Variants in SAMD4A observed in about 807,000 individuals in gnomAD.
SAMD4A encodes the protein protein Smaug homolog 1.
SAMD4A carries 33 observed loss-of-function variants against 81.3 expected under a neutral mutation model. That is an observed-to-expected ratio of 0.41 (90% CI 0.31 to 0.54). The LOEUF is 0.54. Ranked by LOEUF, SAMD4A falls within the 20% of genes least tolerant of loss-of-function variation. The pLI is 0.37. For synonymous variants in SAMD4A, 389 were observed against 382.1 expected, an observed-to-expected ratio of 1.02 and a Z score of -0.21; for missense variants, 854 against 951.1, an observed-to-expected ratio of 0.90 and a Z score of 1.34.
intron 3 of SAMD4A, chr14:54,703,869 G>GA (rs1018463830): frequency 1.5e-4 from 23 of 148,610 alleles, no homozygotes; most frequent in African/African-American, 2.7e-4. Flanking sequence ...TCTCAGAAGA[G>GA]AAAAAAAAAA....
chr14:54,673,870 G>A (rs2035936211), intron 2 of SAMD4A, among the ~76,000 whole-genome samples: 1 of 152,202 alleles, frequency 6.6e-6, no homozygotes, highest in South Asian at 2.1e-4. Flanking sequence ...TCAGACCTCA[G>A]CTCATGGATC....
intron 2 of SAMD4A, among the ~76,000 whole-genome samples, chr14:54,632,597 G>A (rs1447521713): frequency 6.6e-6 from 1 of 151,992 alleles, no homozygotes; most frequent in African/African-American, 2.4e-5. Flanking sequence ...TCACTTAACA[G>A]CATGTCTTGA....
intron 3 of SAMD4A, among the ~76,000 whole-genome samples, chr14:54,716,597 T>A (rs998681602): frequency 2.0e-5 from 3 of 152,300 alleles, no homozygotes; most frequent in Non-Finnish European, 4.4e-5. Context: ...TAGTTGCTCG[T>A]TAGTCTTCAT....
At chr14:54,676,459 C>G (rs2035996261) in intron 2 of SAMD4A, among the ~76,000 whole-genome samples, 1 of 152,200 alleles carries the variant, frequency 6.6e-6, no homozygotes, top group Non-Finnish European at 1.5e-5. Context: ...TCACTGTAAC[C>G]TCCGCCTCCC....
chr14:54,616,379 A>G (rs1419093896), intron 2 of SAMD4A, among the ~76,000 whole-genome samples: 1 of 152,226 alleles, frequency 6.6e-6, no homozygotes, highest in African/African-American at 2.4e-5. Context: ...TGCAGAAAAG[A>G]TCACATACTA....
intron 2 of SAMD4A, 91 bp downstream of exon 2, chr14:54,568,203 C>T (rs1486755419): frequency 2.1e-5 from 26 of 1,210,190 alleles, no homozygotes; most frequent in East Asian, 3.2e-5. Context: ...CGAGGCCAGT[C>T]CCTGCCAGCC....
Position 54,568,723 on chromosome 14 carries a change from AT to A in SAMD4A, c.196+612del, listed in dbSNP as rs553682119. Among the ~76,000 whole-genome samples, 14 of 129,090 alleles carry A rather than the reference AT, an allele frequency of 1.1e-4. No individual in the cohort carries two copies. The South Asian group carries it at 3.7e-3, about 34-fold the overall frequency. The allele number at this position is 129,090 out of a possible 152,430, so 84.7% of individuals were successfully genotyped here. On this transcript the variant is annotated intron_variant, in intron 2 of 12. Transcript: ENST00000554335. ...TATATATATATATATATATATATAT[AT>A]ATATATATATATATATAATGCGGTT... is the stretch of plus-strand genomic sequence containing the variant.
At chr14:54,750,244 C>T (rs2038069835) in intron 5 of SAMD4A, among the ~76,000 whole-genome samples, 1 of 152,154 alleles carries the variant, frequency 6.6e-6, no homozygotes, top group East Asian at 1.9e-4. Flanking sequence ...CACTAGAACC[C>T]AAAGTTAAGG....
chr14:54,609,280 A>T (rs2140258330), intron 2 of SAMD4A, among the ~76,000 whole-genome samples: 1 of 152,326 alleles, frequency 6.6e-6, no homozygotes, highest in South Asian at 2.1e-4. Context: ...GACTTCAAAG[A>T]TGGAGAAAGG....
chr14:54,634,715 A>G (rs546226033), intron 2 of SAMD4A, among the ~76,000 whole-genome samples: 2 of 123,616 alleles, frequency 1.6e-5, no homozygotes, highest in South Asian at 6.0e-4. Context: ...CTATCTATCT[A>G]TCTATCTGTC....
intron 2 of SAMD4A, among the ~76,000 whole-genome samples, chr14:54,635,492 G>A (rs939172677): frequency 6.6e-5 from 10 of 151,766 alleles, no homozygotes; most frequent in African/African-American, 1.7e-4. Flanking sequence ...GCTCACGTCC[G>A]TAATCCCAAC....
rs192273843 is a variant in SAMD4A at position 54,718,040 on chromosome 14, T to C, written c.715+15460T>C. Among the ~76,000 whole-genome samples, 3 of 152,290 alleles carry C rather than the reference T, an allele frequency of 2.0e-5. No individual in the cohort carries two copies. The East Asian group carries it at 5.8e-4, about 29-fold the overall frequency. ...TTTATTTGCTTCTAGAGCTATTCTCTTGCTCCTCTTCCCCCAGCCACTCAA... is the reference window on the plus strand; with the variant it reads ...TTTATTTGCTTCTAGAGCTATTCTCCTGCTCCTCTTCCCCCAGCCACTCAA... On this transcript the variant is annotated intron_variant, in intron 3 of 12. Coordinates refer to ENST00000554335, the MANE Select transcript of SAMD4A (RefSeq NM_015589.6).
intron 9 of SAMD4A, among the ~76,000 whole-genome samples, chr14:54,772,954 A>T (rs1431337978): frequency 1.3e-5 from 2 of 152,302 alleles, no homozygotes; most frequent in East Asian, 3.9e-4. Flanking sequence ...CAAACCAAAA[A>T]ATCTGAAGCC....
intron 2 of SAMD4A, among the ~76,000 whole-genome samples, chr14:54,572,218 G>A (rs531050744): frequency 1.6e-4 from 24 of 152,260 alleles, no homozygotes; most frequent in African/African-American, 5.3e-4. Flanking sequence ...CATAGATATG[G>A]GGATAAAAAG....
chr14:54,762,858 CT>C (rs35747854), intron 7 of SAMD4A, among the ~76,000 whole-genome samples: 151 of 142,228 alleles, frequency 1.1e-3, no homozygotes, highest in East Asian at 2.0e-3. Context: ...TGAATATTCA[CT>C]TTTTTTTTTT....
At chr14:54,731,976 A>C (rs982861244) in intron 3 of SAMD4A, among the ~76,000 whole-genome samples, 1 of 152,228 alleles carries the variant, frequency 6.6e-6, no homozygotes, top group Non-Finnish European at 1.5e-5. Context: ...AGCAAAAAGA[A>C]ATAATGGTTG....
chr14:54,737,708 A>AT (rs34133393), intron 4 of SAMD4A, among the ~76,000 whole-genome samples: 37,152 of 147,758 alleles, frequency 0.25, 4,941 homozygotes, highest in South Asian at 0.36. Context: ...AAACCACGGG[A>AT]TTTTTTTTTT....
intron 2 of SAMD4A, among the ~76,000 whole-genome samples, chr14:54,569,694 C>T (rs1397940534): frequency 6.6e-6 from 1 of 152,208 alleles, no homozygotes; most frequent in Non-Finnish European, 1.5e-5. Flanking sequence ...TTTACTTTCT[C>T]AGGTTTGACA....
At position 54,567,644 on chromosome 14, in the gene SAMD4A, T is replaced by G; in HGVS notation, c.-273T>G. ...ATTCAGTTGTGTGCCTTGTGGGGGA[T>G]TTTTAAAAAGTCGTTTTTTTTTTTA... On this transcript the variant is annotated 5_prime_UTR_variant, in exon 2 of 13. Transcript: ENST00000554335. The G allele has an allele frequency of 2.2e-6, 1 of 458,866 alleles. No homozygotes were observed. The highest frequency in any genetic ancestry group is 2.9e-5 in the South Asian group (1 of 34,610). 28.4% of individuals were successfully genotyped at this position (458,866 alleles called of 1,614,324 possible).
Sources: gnomAD v4.1 joint callset for allele counts (sites outside exome capture counted in the v4.1 genomes callset) on GRCh38, gnomAD v4.1.1 for gene constraint, MANE v1.5 for transcripts, NCBI Gene and HGNC (gene_info 2026-07-23, HGNC 2026-07-21) for gene names.